The following ATP2B1 variants were observed in gnomAD, a reference collection of about 807,000 sequenced individuals.
ATP2B1 encodes plasma membrane calcium-transporting ATPase 1.
ATP2B1 carries 14 observed loss-of-function variants against 124.2 expected under a neutral mutation model. The observed-to-expected ratio is 0.11, with a 90% confidence interval of 0.07 to 0.18. ATP2B1 has a LOEUF of 0.18. Among genes scored for constraint, ATP2B1 ranks in the 10% least tolerant of loss-of-function variants. The probability of loss-of-function intolerance (pLI) is 1.00; values close to 1 mark genes in which losing one functional copy is unlikely to be tolerated. For missense variants in ATP2B1, 763 were observed against 1,466.1 expected (o/e 0.52, Z 7.83); for synonymous variants, 449 against 492.4 (o/e 0.91, Z 1.17).
At chr12:89,700,149 C>A (rs537889889) in intron 1 of ATP2B1, among the ~76,000 whole-genome samples, 6 of 151,998 alleles carry the variant, frequency 3.9e-5, no homozygotes, top group Middle Eastern at 6.8e-3. Flanking sequence ...CCACTGCGCT[C>A]GGCCAAAGAC....
intron 12 of ATP2B1, among the ~76,000 whole-genome samples, chr12:89,616,516 T>G (rs1470696824): frequency 3.3e-5 from 5 of 152,186 alleles, no homozygotes; most frequent in Non-Finnish European, 5.9e-5. Context: ...TGGCACCTAT[T>G]ATTTAATTTA....
intron 6 of ATP2B1, among the ~76,000 whole-genome samples, chr12:89,629,723 CA>C (rs1007943017): frequency 2.0e-5 from 3 of 152,088 alleles, no homozygotes; most frequent in African/African-American, 4.8e-5. Flanking sequence ...TAAATAACAT[CA>C]AATAAATCTA....
intron 1 of ATP2B1, among the ~76,000 whole-genome samples, chr12:89,692,751 GTCAC>G (rs1235927246): frequency 6.6e-6 from 1 of 152,062 alleles, no homozygotes; most frequent in Non-Finnish European, 1.5e-5. Context: ...CATGACCACT[GTCAC>G]TCACTGATTC....
intron 6 of ATP2B1, among the ~76,000 whole-genome samples, chr12:89,628,484 A>G (rs544639855): frequency 1.3e-5 from 2 of 152,068 alleles, no homozygotes; most frequent in Non-Finnish European, 2.9e-5. Flanking sequence ...CAAAATATGT[A>G]CAAAAGATAG....
At chr12:89,691,445 T>C (rs748130761) in intron 1 of ATP2B1, among the ~76,000 whole-genome samples, 1 of 152,160 alleles carries the variant, frequency 6.6e-6, no homozygotes, top group Non-Finnish European at 1.5e-5. Context: ...TCACCAGAAT[T>C]GGGTTATAAG....
In ATP2B1 at chr12:89,655,902, T is replaced by A; in HGVS notation, c.-16A>T. The A allele has an allele frequency of 6.5e-7, 1 of 1,540,638 alleles. No homozygotes were observed. Among genetic ancestry groups the A allele is most frequent in the Non-Finnish European group, 8.7e-7 (1 of 1,143,022 alleles). ...TGTCGCCCATTACAAGTATAATATA[T>A]CAGAAGGAAAATGTTTCCCAAAAGA... is the stretch of plus-strand genomic sequence containing the variant. On this transcript the variant is annotated 5_prime_UTR_variant, in exon 2 of 21. Coordinates refer to ENST00000428670, the MANE Select transcript of ATP2B1 (RefSeq NM_001366521.1).
At chr12:89,626,949 G>A (rs1880975994) in intron 7 of ATP2B1, among the ~76,000 whole-genome samples, 2 of 152,072 alleles carry the variant, frequency 1.3e-5, no homozygotes, top group South Asian at 4.1e-4. Context: ...TATAATTTAT[G>A]ACCATAATGT....
At chr12:89,613,045 T>A (rs555969256) in intron 12 of ATP2B1, among the ~76,000 whole-genome samples, 1 of 152,204 alleles carries the variant, frequency 6.6e-6, no homozygotes, top group African/African-American at 2.4e-5. Context: ...AGGGGTATAA[T>A]GTTGATTCAC....
intron 11 of ATP2B1, among the ~76,000 whole-genome samples, chr12:89,619,553 G>C (rs1879597639): frequency 6.6e-6 from 1 of 150,762 alleles, no homozygotes; most frequent in Non-Finnish European, 1.5e-5. Context: ...GGAGGGTGAA[G>C]TGAGCTGAGA....
At chr12:89,679,622 T>C (rs1397096411) in intron 1 of ATP2B1, among the ~76,000 whole-genome samples, 1 of 151,994 alleles carries the variant, frequency 6.6e-6, no homozygotes, top group South Asian at 2.1e-4. Context: ...TACCTGTAAG[T>C]AGAGAAATAA....
chr12:89,705,195 T>C (rs887497946), intron 1 of ATP2B1, among the ~76,000 whole-genome samples: 2 of 152,268 alleles, frequency 1.3e-5, no homozygotes, highest in African/African-American at 4.8e-5. Flanking sequence ...TATTTATCTT[T>C]ATGAAAATTA....
intron 1 of ATP2B1, among the ~76,000 whole-genome samples, chr12:89,676,715 T>G (rs1373214356): frequency 6.6e-6 from 1 of 152,178 alleles, no homozygotes; most frequent in Non-Finnish European, 1.5e-5. Flanking sequence ...TTTACTTAAC[T>G]GAGTATAAAA....
chr12:89,696,505 A>C (rs1593004305), intron 1 of ATP2B1, among the ~76,000 whole-genome samples: 1 of 62,928 alleles, frequency 1.6e-5, no homozygotes, highest in East Asian at 3.6e-4. Flanking sequence ...ATGAGAAAAT[A>C]ATACAAAGTT....
chr12:89,617,070 T>C (rs1879082144), intron 11 of ATP2B1, 31 bp from the exon 12 acceptor site: 1 of 1,549,198 alleles, frequency 6.5e-7, no homozygotes, highest in Admixed American at 1.7e-5. Context: ...CAAACATCAA[T>C]AATTTAAAAA....
rs56837729 is a variant in ATP2B1 at position 89,697,670 on chromosome 12, CTTTT to C, written c.-222+10922_-222+10925del. Among the ~76,000 whole-genome samples, 1,147 of 131,282 alleles carry C rather than the reference CTTTT, an allele frequency of 8.7e-3. 6 individuals are homozygous for C. Among genetic ancestry groups the C allele is most frequent in the Middle Eastern group, 0.012 (3 of 248 alleles). 86.1% of individuals were successfully genotyped at this position (131,282 alleles called of 152,430 possible). On this transcript the variant is annotated intron_variant, in intron 1 of 20. Transcript: ENST00000428670. ...TGTTTAGGAAAACAAATCCAAAAGGCTTTTTTTTTTTTTTTTTTTTAAATATTAG... is the reference window on the plus strand; with the variant it reads ...TGTTTAGGAAAACAAATCCAAAAGGCTTTTTTTTTTTTTTTTAAATATTAG...
chr12:89,647,207 C>T (rs555421148), intron 2 of ATP2B1, among the ~76,000 whole-genome samples: 262 of 152,312 alleles, frequency 1.7e-3, no homozygotes, highest in Non-Finnish European at 2.5e-3. Context: ...GGCAATGAGG[C>T]CAAGGTCATG....
chr12:89,690,171 C>A (rs1890397484), intron 1 of ATP2B1, among the ~76,000 whole-genome samples: 1 of 152,064 alleles, frequency 6.6e-6, no homozygotes, highest in South Asian at 2.1e-4. Context: ...AATACCAGAA[C>A]ATATATAGCC....
intron 9 of ATP2B1, among the ~76,000 whole-genome samples, 195 bp from the exon 10 acceptor site, chr12:89,621,986 G>A (rs999635737): frequency 6.6e-6 from 1 of 151,366 alleles, no homozygotes; most frequent in Admixed American, 6.6e-5. Context: ...GCTAAACACA[G>A]TACCAGAGCT....
In ATP2B1 at chr12:89,603,619, G is replaced by T; in HGVS notation, c.2848+93C>A. ...AATGGGAAGTCAGGAGTAGAATTTAGGCTCTTGAAAATTTGTAACATTATA... is the reference window on the plus strand; with the variant it reads ...AATGGGAAGTCAGGAGTAGAATTTATGCTCTTGAAAATTTGTAACATTATA... On this transcript the variant is annotated intron_variant, in intron 17 of 20. Coordinates refer to ENST00000428670, the MANE Select transcript of ATP2B1 (RefSeq NM_001366521.1). The surrounding 1 kb of genome is among the most constrained non-coding windows in gnomAD (Gnocchi z 4.3). The T allele has an allele frequency of 7.7e-7, 1 of 1,302,686 alleles. No homozygotes were observed. The allele number at this position is 1,302,686 out of a possible 1,614,324, so 80.7% of individuals were successfully genotyped here.
Sources: gnomAD v4.1 joint callset for allele counts (sites outside exome capture counted in the v4.1 genomes callset) on GRCh38, gnomAD v4.1.1 for gene constraint, Gnocchi (gnomAD v3.1) non-coding constraint, MANE v1.5 for transcripts, NCBI Gene and HGNC (gene_info 2026-07-23, HGNC 2026-07-21) for gene names.